Variants in ARSJ observed in about 807,000 individuals in gnomAD.
The protein encoded by ARSJ is arylsulfatase J.
A neutral mutation model predicts 35.9 loss-of-function variants in ARSJ; 26 were observed. That is an observed-to-expected ratio of 0.72 (90% CI 0.53 to 1.00). The LOEUF (loss-of-function observed/expected upper bound fraction) is 1.00. Among genes scored for constraint, ARSJ ranks in the 50% least tolerant of loss-of-function variants. The pLI is 0.00. For synonymous variants in ARSJ, 294 were observed against 267.6 expected (o/e 1.10, Z -0.96); for missense variants, 667 against 723.6 (o/e 0.92, Z 0.90).
Position 113,902,313 on chromosome 4 carries a change from G to A in ARSJ, c.1761C>T (p.Val587=). The A allele has an allele frequency of 1.2e-6, 2 of 1,612,790 alleles. No homozygotes were observed. Among genetic ancestry groups the A allele is most frequent in the South Asian group, 1.1e-5 (1 of 91,080 alleles). Reference sequence around the variant, plus strand: ...CACCTGAATGGCAAGTTGAACCTGAGACTGCTTTCTGCTGTTTCTTCTTCT... The same window carrying A: ...CACCTGAATGGCAAGTTGAACCTGAAACTGCTTTCTGCTGTTTCTTCTTCT... ...KKKKKKQQKA[V]SGSTCHSGVT... The change falls in exon 2 of 2, where the codon GTC becomes GTT. Residue 587 remains valine, a synonymous_variant. Coordinates refer to ENST00000315366, the MANE Select transcript of ARSJ (RefSeq NM_024590.4).
chr4:113,931,357 G>A (rs1457232868), intron 1 of ARSJ, among the ~76,000 whole-genome samples: 1 of 152,026 alleles, frequency 6.6e-6, no homozygotes, highest in Non-Finnish European at 1.5e-5. Flanking sequence ...AAGATTAAGT[G>A]AAAAGAAGAA....
intron 1 of ARSJ, among the ~76,000 whole-genome samples, chr4:113,957,731 CAA>C (rs1726275355): frequency 3.9e-5 from 6 of 152,038 alleles, no homozygotes; most frequent in Admixed American, 3.9e-4. Context: ...CATTAACTTG[CAA>C]AAAAGACTCC....
At chr4:113,919,550 C>T (rs1723534591) in intron 1 of ARSJ, among the ~76,000 whole-genome samples, 1 of 152,092 alleles carries the variant, frequency 6.6e-6, no homozygotes, top group South Asian at 2.1e-4. Flanking sequence ...GTAGTCAGAC[C>T]ACATGGCTTT....
intron 1 of ARSJ, among the ~76,000 whole-genome samples, chr4:113,959,201 C>T (rs997677292): frequency 1.2e-4 from 19 of 152,048 alleles, no homozygotes; most frequent in African/African-American, 4.1e-4. Flanking sequence ...TCACACAGAA[C>T]ATAAACCTTA....
At chr4:113,931,628 A>C (rs1428448357) in intron 1 of ARSJ, among the ~76,000 whole-genome samples, 1 of 152,144 alleles carries the variant, frequency 6.6e-6, no homozygotes, top group Non-Finnish European at 1.5e-5. Flanking sequence ...GGAGAGGTTA[A>C]GTATGTTTCT....
chr4:113,960,122 T>C lies in ARSJ; in HGVS notation c.398+18315A>G, dbSNP rs144068054. On this transcript the variant is annotated intron_variant, in intron 1 of 1. Coordinates refer to ENST00000315366, the MANE Select transcript of ARSJ (RefSeq NM_024590.4). The stretch of plus-strand genomic sequence containing the variant: ...GAGTTGGAGAAATAATAATGAGACA[T>C]GGATAAAATACAATTAGGCAATGAT... 2.7e-3 allele frequency among the ~76,000 whole-genome samples: 412 copies of C among 152,140 alleles called. 1 individual carries two copies. Among genetic ancestry groups the C allele is most frequent in the African/African-American group, 8.4e-3 (350 of 41,552 alleles).
At position 113,978,655 on chromosome 4, in the gene ARSJ, A is replaced by G. The variant is rs1193677437; in HGVS notation, c.180T>C (p.Ala60=). The G allele has an allele frequency of 2.5e-6, 4 of 1,614,084 alleles. No individual in the cohort carries two copies. Among genetic ancestry groups the G allele is most frequent in the Non-Finnish European group, 3.4e-6 (4 of 1,180,034 alleles). ...TGGGCTCTAGTTTCTCTCCAGCTTG[A>G]GCTAGTAAGGCCCCTTCTTCCTCCT... ...LEEEEEGALL[A]QAGEKLEPST... Residue 60 remains alanine (A), a synonymous_variant, in exon 1 of 2, where the codon GCT becomes GCC. Transcript: ENST00000315366.
chr4:113,956,477 A>G (rs1726188145), intron 1 of ARSJ, among the ~76,000 whole-genome samples: 1 of 152,102 alleles, frequency 6.6e-6, no homozygotes, highest in Admixed American at 6.6e-5. Flanking sequence ...TATGTATCAT[A>G]TAATGCCAAA....
chr4:113,928,771 A>G (rs998015552), intron 1 of ARSJ, among the ~76,000 whole-genome samples: 1 of 152,186 alleles, frequency 6.6e-6, no homozygotes, highest in Non-Finnish European at 1.5e-5. Context: ...GGGCTCTTCA[A>G]AGATGCAGGT....
chr4:113,921,455 G>C (rs1043791990), intron 1 of ARSJ, among the ~76,000 whole-genome samples: 2 of 152,072 alleles, frequency 1.3e-5, no homozygotes, highest in African/African-American at 4.8e-5. Context: ...CGTTGACTGA[G>C]AAGGGGCAAA....
chr4:113,974,706 C>T (rs1443490524), intron 1 of ARSJ, among the ~76,000 whole-genome samples: 1 of 152,024 alleles, frequency 6.6e-6, no homozygotes, highest in Non-Finnish European at 1.5e-5. Flanking sequence ...TAGAACATTC[C>T]ATACAGTTAC....
At chr4:113,952,399 T>A (rs1725916502) in intron 1 of ARSJ, among the ~76,000 whole-genome samples, 1 of 152,114 alleles carries the variant, frequency 6.6e-6, no homozygotes, top group South Asian at 2.1e-4. Flanking sequence ...TCCAGACTTC[T>A]CTCTTTTTTG....
intron 1 of ARSJ, among the ~76,000 whole-genome samples, chr4:113,920,756 A>C (rs1723620876): frequency 2.6e-5 from 4 of 152,122 alleles, no homozygotes. Flanking sequence ...TTGAGTGTCA[A>C]CTATGAGAAA....
At chr4:113,933,039 A>T (rs1724551918) in intron 1 of ARSJ, among the ~76,000 whole-genome samples, 1 of 151,896 alleles carries the variant, frequency 6.6e-6, no homozygotes, top group Admixed American at 6.6e-5. Context: ...AACAACTGAG[A>T]CCACAGAAAT....
chr4:113,959,175 C>T (rs1010882388), intron 1 of ARSJ, among the ~76,000 whole-genome samples: 3 of 151,978 alleles, frequency 2.0e-5, no homozygotes, highest in African/African-American at 7.2e-5. Context: ...TTGCGGTAGA[C>T]ATTTTTCTGA....
At chr4:113,974,401 C>T (rs1727464923) in intron 1 of ARSJ, among the ~76,000 whole-genome samples, 1 of 151,816 alleles carries the variant, frequency 6.6e-6, no homozygotes. Context: ...AAGCAAGCCA[C>T]AGTAGGGGAA....
At chr4:113,962,341 T>C (rs1486593031) in intron 1 of ARSJ, among the ~76,000 whole-genome samples, 8 of 151,984 alleles carry the variant, frequency 5.3e-5, no homozygotes, top group Non-Finnish European at 1.0e-4. Flanking sequence ...ATAACTGCAA[T>C]CCTTCAAAAT....
chr4:113,932,165 C>T (rs1724495275), intron 1 of ARSJ, among the ~76,000 whole-genome samples: 1 of 151,930 alleles, frequency 6.6e-6, no homozygotes, highest in South Asian at 2.1e-4. Flanking sequence ...CGAGACACTA[C>T]AACAACTATA....
intron 1 of ARSJ, among the ~76,000 whole-genome samples, chr4:113,968,556 C>G (rs1188903126): frequency 6.6e-6 from 1 of 152,118 alleles, no homozygotes; most frequent in Admixed American, 6.6e-5. Context: ...ATGAAGAACA[C>G]TCTACCAAAG....
Sources: gnomAD v4.1 joint callset for allele counts (sites outside exome capture counted in the v4.1 genomes callset) on GRCh38, gnomAD v4.1.1 for gene constraint, MANE v1.5 for transcripts, NCBI Gene and HGNC (gene_info 2026-07-23, HGNC 2026-07-21) for gene names.